HSD17B6: variants seen among roughly 807,000 people sequenced by gnomAD.
HSD17B6 encodes the protein hydroxysteroid 17-beta dehydrogenase 6.
Under a neutral mutation model 26.4 loss-of-function variants are expected in HSD17B6, and 16 were observed. The ratio of observed to expected loss-of-function variants is 0.61; its 90% confidence interval spans 0.41 to 0.92. The LOEUF (loss-of-function observed/expected upper bound fraction) is 0.92, where lower values mean the gene tolerates loss of function less well. Among genes scored for constraint, HSD17B6 ranks in the 40% least tolerant of loss-of-function variants. The probability of loss-of-function intolerance (pLI) is 0.00; values close to 1 mark genes in which losing one functional copy is unlikely to be tolerated. For missense variants in HSD17B6, 357 were observed against 386.1 expected, an observed-to-expected ratio of 0.92 and a Z score of 0.63; for synonymous variants, 139 against 153.0, an observed-to-expected ratio of 0.91 and a Z score of 0.68.
chr12:56,785,292 G>A (rs541853646), intron 4 of HSD17B6, among the ~76,000 whole-genome samples: 1 of 152,216 alleles, frequency 6.6e-6, no homozygotes, highest in South Asian at 2.1e-4. Flanking sequence ...AACAGCATAT[G>A]GGAACCACCC....
chr12:56,785,977 T>C lies in HSD17B6; in HGVS notation c.736+961T>C, dbSNP rs1484009744. 3.0e-6 allele frequency: 3 copies of C among 984,568 alleles called. No homozygotes were observed. In the African/African-American group the frequency reaches 5.2e-5, roughly 17 times the overall value. 61.0% of individuals were successfully genotyped at this position (984,568 alleles called of 1,614,324 possible). On this transcript the variant is annotated intron_variant, in intron 4 of 4. Coordinates refer to ENST00000322165, the MANE Select transcript of HSD17B6 (RefSeq NM_003725.4). ...TATTCTGAAGACCTGGAGGAGGAGG[T>C]AGCAGCAGCGGTGAAAAATGGGAAT...
rs529425917 is a variant in HSD17B6 at position 56,782,291 on chromosome 12, G to A, written c.572+59G>A. On this transcript the variant is annotated intron_variant, in intron 3 of 4. Transcript: ENST00000322165. Reference sequence around the variant, plus strand: ...CACTGAAATATGTCTTAGGCATTGTGCTAGTTGCTTTCGCCTATCTTATTT... The same window carrying A: ...CACTGAAATATGTCTTAGGCATTGTACTAGTTGCTTTCGCCTATCTTATTT... The A allele has an allele frequency of 6.6e-6, 10 of 1,520,234 alleles. No individual in the cohort carries two copies. The South Asian group carries it at 7.4e-5, about 11-fold the overall frequency. The allele number at this position is 1,520,234 out of a possible 1,614,324, so 94.2% of individuals were successfully genotyped here.
intron 2 of HSD17B6, among the ~76,000 whole-genome samples, chr12:56,780,768 G>A (rs1954698330): frequency 2.1e-5 from 3 of 146,280 alleles, no homozygotes; most frequent in African/African-American, 7.6e-5. Flanking sequence ...AGAATGGGGT[G>A]AACCCGGGGG....
At chr12:56,768,699 T>C (rs1954398464) in intron 1 of HSD17B6, among the ~76,000 whole-genome samples, 1 of 146,614 alleles carries the variant, frequency 6.8e-6, no homozygotes, top group Admixed American at 6.9e-5. Context: ...GAACAGGTGT[T>C]GTTGCGAAAT....
At position 56,776,845 on chromosome 12, in the gene HSD17B6, T is replaced by G. The variant is rs558592942; in HGVS notation, c.313+2680T>G. Among the ~76,000 whole-genome samples, 4 of 152,332 alleles carry G rather than the reference T, an allele frequency of 2.6e-5. No homozygotes were observed. The South Asian group carries it at 8.3e-4, about 32-fold the overall frequency. On this transcript the variant is annotated intron_variant, in intron 2 of 4. Coordinates refer to ENST00000322165, the MANE Select transcript of HSD17B6 (RefSeq NM_003725.4). ...CAGCTCATTTCTTTTTCTCGCTGCA[T>G]AGTATTCCATTGTATGTATGTACCA...
At chr12:56,783,344 G>A (rs1440888586) in intron 3 of HSD17B6, among the ~76,000 whole-genome samples, 1 of 137,598 alleles carries the variant, frequency 7.3e-6, no homozygotes, top group African/African-American at 2.7e-5. Flanking sequence ...TCCCGGACGG[G>A]GCGGCTGGCC....
chr12:56,771,663 G>A (rs1232701905), intron 1 of HSD17B6, among the ~76,000 whole-genome samples: 1 of 152,082 alleles, frequency 6.6e-6, no homozygotes, highest in Non-Finnish European at 1.5e-5. Context: ...TCGCCATGTT[G>A]ACCAGGCTGA....
At chr12:56,780,065 G>A (rs1954680810) in intron 2 of HSD17B6, among the ~76,000 whole-genome samples, 1 of 152,168 alleles carries the variant, frequency 6.6e-6, no homozygotes, top group Non-Finnish European at 1.5e-5. Context: ...GTCTTGATAA[G>A]TCAGTTGTTA....
chr12:56,777,867 A>T (rs1023890235), intron 2 of HSD17B6, among the ~76,000 whole-genome samples: 3 of 152,206 alleles, frequency 2.0e-5, no homozygotes, highest in Non-Finnish European at 2.9e-5. Flanking sequence ...ATTTAAAAAA[A>T]TAATAAAATA....
intron 1 of HSD17B6, among the ~76,000 whole-genome samples, chr12:56,767,781 A>ATGTATATATAATATATATGTG (rs199619744): frequency 4.8e-5 from 7 of 146,544 alleles, no homozygotes; most frequent in African/African-American, 1.5e-4. Flanking sequence ...TGTGTATATT[A>ATGTATATATAATATATATGTG]TGTATATATA....
intron 1 of HSD17B6, among the ~76,000 whole-genome samples, chr12:56,770,793 G>A (rs969571400): frequency 6.6e-6 from 1 of 152,160 alleles, no homozygotes; most frequent in Non-Finnish European, 1.5e-5. Context: ...AATTCTGTTA[G>A]ACCATGGGGC....
At chr12:56,766,537 G>C (rs1198718145) in intron 1 of HSD17B6, among the ~76,000 whole-genome samples, 2 of 152,214 alleles carry the variant, frequency 1.3e-5, no homozygotes, top group Non-Finnish European at 2.9e-5. Flanking sequence ...GGCAGTGTGA[G>C]AAAGAGGAGG....
At chr12:56,769,665 T>C (rs767203586) in intron 1 of HSD17B6, among the ~76,000 whole-genome samples, 20 of 152,186 alleles carry the variant, frequency 1.3e-4, no homozygotes, top group Admixed American at 8.5e-4. Flanking sequence ...ATGTCAAAAA[T>C]TGGTAAATCA....
At chr12:56,785,987 G>A (rs1370509017) in intron 4 of HSD17B6, 18 of 982,478 alleles carry the variant, frequency 1.8e-5, no homozygotes, top group Non-Finnish European at 2.1e-5. Context: ...TAGCAGCAGC[G>A]GTGAAAAATG....
At chr12:56,773,476 C>T (rs1490850959) in intron 1 of HSD17B6, among the ~76,000 whole-genome samples, 2 of 152,234 alleles carry the variant, frequency 1.3e-5, no homozygotes, top group African/African-American at 4.8e-5. Flanking sequence ...TCACGACTCC[C>T]TTCATGTACA....
intron 2 of HSD17B6, among the ~76,000 whole-genome samples, chr12:56,776,876 T>C (rs1954605685): frequency 6.6e-6 from 1 of 152,224 alleles, no homozygotes; most frequent in African/African-American, 2.4e-5. Flanking sequence ...TACCACAGTT[T>C]ATCATTCACC....
chr12:56,773,737 C>G (rs1688890999), intron 1 of HSD17B6, 97 bp from the exon 2 acceptor site: 2 of 1,155,994 alleles, frequency 1.7e-6, no homozygotes, highest in Admixed American at 5.8e-5. Context: ...TAAAGAGTCC[C>G]TATCACCTAG....
chr12:56,786,020 G>C (rs982464974), intron 4 of HSD17B6: 22 of 900,760 alleles, frequency 2.4e-5, no homozygotes, highest in Admixed American at 1.9e-4. Flanking sequence ...AATAGGTACA[G>C]GGTTTCTTTT....
chr12:56,782,119 G>C lies in HSD17B6; in HGVS notation c.459G>C (p.Arg153Ser). ...QVTLSMLPLV[R>S]RARGRIVNVS... is the part of the protein sequence containing the mutation. ...CCTTGAGCATGCTTCCTTTGGTGAG[G>C]AGAGCACGGGGAAGAATTGTCAATG... The change falls in exon 3 of 5, where the codon AGG becomes AGC. Residue 153 changes from arginine (R) to serine (S), a missense_variant. By Grantham distance (110) the Arg-to-Ser change is moderately radical. Transcript: ENST00000322165. The C allele has an allele frequency of 1.2e-6, 2 of 1,614,192 alleles. No individual in the cohort carries two copies. The highest frequency in any genetic ancestry group is 1.7e-6 in the Non-Finnish European group (2 of 1,180,036).
Sources: allele counts gnomAD v4.1 joint callset (sites outside exome capture counted in the v4.1 genomes callset), GRCh38; gene constraint gnomAD v4.1.1; transcripts MANE v1.5; gene names NCBI Gene and HGNC (gene_info 2026-07-23, HGNC 2026-07-21).